Variants in ARHGEF28 observed in about 807,000 individuals in gnomAD.
ARHGEF28 encodes Rho guanine nucleotide exchange factor 28, also known as 190 kDa guanine nucleotide exchange factor.
ARHGEF28 carries 152 observed loss-of-function variants against 206.6 expected under a neutral mutation model. That is an observed-to-expected ratio of 0.74 (90% CI 0.64 to 0.84). The LOEUF is 0.84. Ranked by LOEUF, ARHGEF28 falls within the 40% of genes least tolerant of loss-of-function variation. ARHGEF28 has a pLI of 0.00. For synonymous variants in ARHGEF28, 763 were observed against 776.4 expected (o/e 0.98, Z 0.29); for missense variants, 2,028 against 2,073.2 (o/e 0.98, Z 0.42).
intron 4 of ARHGEF28, among the ~76,000 whole-genome samples, chr5:73,759,450 G>A (rs1382745200): frequency 6.6e-6 from 1 of 152,120 alleles, no homozygotes; most frequent in African/African-American, 2.4e-5. Flanking sequence ...TGCCTGAATA[G>A]GGTCTTCATA....
At chr5:73,901,156 T>C (rs1762245847) in intron 30 of ARHGEF28, 28 bp from the exon 31 acceptor site, 3 of 1,598,830 alleles carry the variant, frequency 1.9e-6, no homozygotes, top group Non-Finnish European at 1.7e-6. Flanking sequence ...CTGTCCTTTT[T>C]GTTTCTGTCT....
intron 35 of ARHGEF28, among the ~76,000 whole-genome samples, chr5:73,917,351 A>G (rs1451942499): frequency 2.0e-5 from 3 of 152,254 alleles, no homozygotes; most frequent in Non-Finnish European, 4.4e-5. Context: ...TTGGTAATCT[A>G]TATCATGACA....
intron 4 of ARHGEF28, among the ~76,000 whole-genome samples, chr5:73,760,099 A>G (rs1344767081): frequency 6.6e-6 from 1 of 152,206 alleles, no homozygotes; most frequent in Non-Finnish European, 1.5e-5. Flanking sequence ...CACTGTGTCC[A>G]GGTCTTACTA....
At chr5:73,820,396 G>C (rs1379521976) in intron 9 of ARHGEF28, among the ~76,000 whole-genome samples, 1 of 152,050 alleles carries the variant, frequency 6.6e-6, no homozygotes, top group Admixed American at 6.6e-5. Context: ...GGGGGGTGGA[G>C]GTGGAGGGAT....
At chr5:73,651,642 C>G (rs1744840183) in intron 1 of ARHGEF28, among the ~76,000 whole-genome samples, 1 of 152,068 alleles carries the variant, frequency 6.6e-6, no homozygotes, top group African/African-American at 2.4e-5. Context: ...CACTGAAAAT[C>G]TTTTATTTTT....
At chr5:73,753,761 G>A (rs1205887968) in intron 4 of ARHGEF28, among the ~76,000 whole-genome samples, 1 of 152,210 alleles carries the variant, frequency 6.6e-6, no homozygotes, top group Non-Finnish European at 1.5e-5. Flanking sequence ...TGTGAACAAG[G>A]CTATAGATGT....
intron 5 of ARHGEF28, among the ~76,000 whole-genome samples, chr5:73,774,263 A>G (rs1280398465): frequency 1.3e-5 from 2 of 152,220 alleles, no homozygotes; most frequent in Admixed American, 6.5e-5. Flanking sequence ...GAAAGGAGTG[A>G]TAATGAAAAA....
chr5:73,919,558 A>G (rs955902284), intron 35 of ARHGEF28, among the ~76,000 whole-genome samples: 3 of 152,208 alleles, frequency 2.0e-5, no homozygotes, highest in Admixed American at 1.3e-4. Flanking sequence ...AAAGCTTCCT[A>G]TCTACAGACC....
chr5:73,830,451 G>T (rs544951456), intron 9 of ARHGEF28, among the ~76,000 whole-genome samples: 1 of 151,762 alleles, frequency 6.6e-6, no homozygotes, highest in Non-Finnish European at 1.5e-5. Flanking sequence ...CAACTTAGGA[G>T]GCTGAGGCAG....
chr5:73,745,974 T>G (rs1282225136), intron 2 of ARHGEF28, among the ~76,000 whole-genome samples: 1 of 152,116 alleles, frequency 6.6e-6, no homozygotes, highest in African/African-American at 2.4e-5. Context: ...TAAATTTCAG[T>G]GGCAATGGAA....
At chr5:73,659,454 C>CA (rs1745443371) in intron 1 of ARHGEF28, among the ~76,000 whole-genome samples, 2 of 151,792 alleles carry the variant, frequency 1.3e-5, no homozygotes, top group East Asian at 3.9e-4. Flanking sequence ...GGTGTGAACC[C>CA]AGGAGGTGGA....
chr5:73,759,572 G>A (rs1752493747), intron 4 of ARHGEF28, among the ~76,000 whole-genome samples: 1 of 152,192 alleles, frequency 6.6e-6, no homozygotes, highest in Non-Finnish European at 1.5e-5. Flanking sequence ...GTTTATAAGA[G>A]TTAGGGTTAT....
At chr5:73,925,454 A>G (rs1167116195) in intron 35 of ARHGEF28, among the ~76,000 whole-genome samples, 1 of 152,188 alleles carries the variant, frequency 6.6e-6, no homozygotes, top group Non-Finnish European at 1.5e-5. Flanking sequence ...ACGTGCTTCC[A>G]CAGTATTTTC....
chr5:73,917,833 C>A (rs190750961), intron 35 of ARHGEF28, among the ~76,000 whole-genome samples: 1 of 152,332 alleles, frequency 6.6e-6, no homozygotes, highest in East Asian at 1.9e-4. Flanking sequence ...TATACACACA[C>A]ACACATGGTC....
chr5:73,635,548 A>G (rs930755622), intron 1 of ARHGEF28, among the ~76,000 whole-genome samples: 2 of 152,196 alleles, frequency 1.3e-5, no homozygotes, highest in Admixed American at 6.5e-5. Context: ...TAGTGATTTC[A>G]TTGGCTATTT....
In ARHGEF28 at chr5:73,893,291, A is replaced by T; in HGVS notation, c.3658+3A>T. 1 of 1,548,016 alleles carries T rather than the reference A, an allele frequency of 6.5e-7. No individual in the cohort carries two copies. On this transcript the variant is annotated splice_donor_region_variant and intron_variant, in intron 28 of 35. Transcript: ENST00000513042. The stretch of plus-strand genomic sequence containing the variant: ...GGCCAAAATTCAGCAATGTCAAGGT[A>T]CAGTGCAGGCACTTCTGGCTCCCTG...
chr5:73,790,774 A>T (rs1754434311), intron 7 of ARHGEF28, among the ~76,000 whole-genome samples: 1 of 152,186 alleles, frequency 6.6e-6, no homozygotes, highest in Non-Finnish European at 1.5e-5. Flanking sequence ...TAGTCTCTCA[A>T]GTGCCTTTGC....
intron 23 of ARHGEF28, among the ~76,000 whole-genome samples, chr5:73,883,357 A>G (rs1031293009): frequency 5.3e-5 from 8 of 152,214 alleles, no homozygotes; most frequent in Admixed American, 3.9e-4. Context: ...TCCTGATTAG[A>G]GGGAACTCTA....
chr5:73,799,495 A>T (rs979273292), intron 9 of ARHGEF28, among the ~76,000 whole-genome samples: 1 of 152,238 alleles, frequency 6.6e-6, no homozygotes, highest in Non-Finnish European at 1.5e-5. Context: ...CTCAGGGGGA[A>T]TTACAGAAGC....
Sources: allele counts gnomAD v4.1 joint callset (sites outside exome capture counted in the v4.1 genomes callset), GRCh38; gene constraint gnomAD v4.1.1; transcripts MANE v1.5; gene names NCBI Gene and HGNC (gene_info 2026-07-23, HGNC 2026-07-21).